MLLT3: variants seen among roughly 807,000 people sequenced by gnomAD.
MLLT3 encodes the protein MLLT3 super elongation complex subunit, also known as protein AF-9.
Under a neutral mutation model 53.2 loss-of-function variants are expected in MLLT3, and 4 were observed. The ratio of observed to expected loss-of-function variants is 0.08; its 90% CI spans 0.04 to 0.17. MLLT3 has a LOEUF of 0.17. Ranked by LOEUF, MLLT3 falls within the 10% of genes least tolerant of loss-of-function variation. The pLI is 1.00. For synonymous variants in MLLT3, 283 were observed against 230.6 expected, an observed-to-expected ratio of 1.23 and a Z score of -2.06; for missense variants, 569 against 684.0, an observed-to-expected ratio of 0.83 and a Z score of 1.87.
intron 2 of MLLT3, among the ~76,000 whole-genome samples, chr9:20,563,970 T>C (rs10964605): frequency 0.11 from 16,575 of 152,190 alleles, 1,199 homozygotes; most frequent in East Asian, 0.22. Context: ...TAGAAATCCA[T>C]TTGGCAAGTA....
intron 2 of MLLT3, among the ~76,000 whole-genome samples, chr9:20,517,347 A>C (rs145431024): frequency 1.4e-4 from 22 of 152,256 alleles, no homozygotes; most frequent in Middle Eastern, 3.4e-3. Context: ...GCATCCCAGT[A>C]ACAATGAACA....
chr9:20,531,196 C>T (rs1187586046), intron 2 of MLLT3, among the ~76,000 whole-genome samples: 7 of 146,474 alleles, frequency 4.8e-5, no homozygotes, highest in East Asian at 2.1e-4. Context: ...AGTGTAATGG[C>T]GCGATCTCGG....
At chr9:20,538,343 T>A (rs1428310061) in intron 2 of MLLT3, among the ~76,000 whole-genome samples, 1 of 152,202 alleles carries the variant, frequency 6.6e-6, no homozygotes, top group Admixed American at 6.5e-5. Context: ...GTCAAATTAC[T>A]TGCCCAAAAT....
At chr9:20,606,114 C>T (rs1017551043) in intron 2 of MLLT3, among the ~76,000 whole-genome samples, 1 of 152,064 alleles carries the variant, frequency 6.6e-6, no homozygotes. Context: ...AAAACTATCC[C>T]TGCGTATTCT....
At chr9:20,468,393 C>G (rs564829259) in intron 2 of MLLT3, among the ~76,000 whole-genome samples, 120 of 152,142 alleles carry the variant, frequency 7.9e-4, no homozygotes, top group African/African-American at 2.7e-3. Flanking sequence ...TCTTTTAGCT[C>G]AATCCACCAC....
chr9:20,588,918 T>G lies in MLLT3; in HGVS notation c.193+31736A>C, dbSNP rs546810586. ...TCACACCAGTTAGAATGGCAATCAT[T>G]AAAAAGTCAGGAAACAACAGGTGCT... On this transcript the variant is annotated intron_variant, in intron 2 of 10. Transcript: ENST00000380338. 6.6e-5 allele frequency among the ~76,000 whole-genome samples: 10 copies of G among 151,424 alleles called. No homozygotes were observed. The South Asian group carries it at 1.9e-3, about 29-fold the overall frequency.
chr9:20,579,471 T>C (rs1819735608), intron 2 of MLLT3, among the ~76,000 whole-genome samples: 1 of 151,888 alleles, frequency 6.6e-6, no homozygotes, highest in African/African-American at 2.4e-5. Context: ...CAAGAGGAAA[T>C]GTCCTTCTAC....
intron 2 of MLLT3, among the ~76,000 whole-genome samples, chr9:20,467,842 TATC>T (rs1824273689): frequency 6.6e-6 from 1 of 152,162 alleles, no homozygotes; most frequent in African/African-American, 2.4e-5. Flanking sequence ...AAGTAGGAAT[TATC>T]ATGTATGCTG....
intron 2 of MLLT3, among the ~76,000 whole-genome samples, chr9:20,614,342 C>T (rs1033585917): frequency 1.4e-5 from 2 of 142,534 alleles, no homozygotes; most frequent in African/African-American, 2.6e-5. Flanking sequence ...TGCAGTGAGC[C>T]AAGATCATGC....
chr9:20,567,304 T>TAAAAA (rs35505450), intron 2 of MLLT3, among the ~76,000 whole-genome samples: 292 of 79,636 alleles, frequency 3.7e-3, no homozygotes, highest in East Asian at 9.0e-3. Flanking sequence ...CTATATTCAG[T>TAAAAA]AAAAAAAAAA....
Position 20,345,183 on chromosome 9 carries a change from T to C in MLLT3, c.*1260A>G. 4.4e-6 allele frequency: 1 copy of C among 225,372 alleles called. No homozygotes were observed. Among genetic ancestry groups the C allele is most frequent in the Non-Finnish European group, 8.8e-6 (1 of 113,106 alleles). 14.0% of individuals were successfully genotyped at this position (225,372 alleles called of 1,614,324 possible). A position where few individuals can be genotyped will look rare whatever the true frequency, so the allele number is the denominator to read the frequency against. Reference sequence around the variant, plus strand: ...CCCATCCCCAACCGTCTTTCACCAATACAAGAAATCCTTCTGGAAATATTA... The same window carrying C: ...CCCATCCCCAACCGTCTTTCACCAACACAAGAAATCCTTCTGGAAATATTA... On this transcript the variant is annotated 3_prime_UTR_variant, in exon 11 of 11. Coordinates refer to ENST00000380338, the MANE Select transcript of MLLT3 (RefSeq NM_004529.4).
chr9:20,507,550 T>G (rs909791389), intron 2 of MLLT3, among the ~76,000 whole-genome samples: 6 of 152,158 alleles, frequency 3.9e-5, no homozygotes, highest in Non-Finnish European at 8.8e-5. Context: ...TTCCCAAATC[T>G]TTGGTCTAAC....
chr9:20,539,034 G>C (rs1818557615), intron 2 of MLLT3, among the ~76,000 whole-genome samples: 1 of 152,220 alleles, frequency 6.6e-6, no homozygotes, highest in East Asian at 1.9e-4. Context: ...CTTTTCACTG[G>C]GGAGCAGTAA....
chr9:20,493,792 TAA>T (rs1459995462), intron 2 of MLLT3, among the ~76,000 whole-genome samples: 7 of 152,098 alleles, frequency 4.6e-5, no homozygotes, highest in Admixed American at 3.3e-4. Flanking sequence ...TAAAGTATGT[TAA>T]GTTTTTCACA....
rs767404731 is a variant in MLLT3 at position 20,389,905 on chromosome 9, TTTTTC to T, written c.1125+23811_1125+23815del. On this transcript the variant is annotated intron_variant, in intron 5 of 10. Coordinates refer to ENST00000380338, the MANE Select transcript of MLLT3 (RefSeq NM_004529.4). ...ATATATTGACAATTGCTCATTAAAT[TTTTTC>T]TTTTCTTATTTTGTCCAGTAAGGCA... Among the ~76,000 whole-genome samples, 12 of 152,332 alleles carry T rather than the reference TTTTTC, an allele frequency of 7.9e-5. No individual in the cohort carries two copies. In the East Asian group the frequency reaches 1.5e-3, roughly 20 times the overall value.
chr9:20,517,513 T>G (rs1587015462), intron 2 of MLLT3, among the ~76,000 whole-genome samples: 1 of 149,426 alleles, frequency 6.7e-6, no homozygotes. Context: ...AAATACAAGG[T>G]GTGCCTAGAT....
chr9:20,402,070 G>C (rs1019818188), intron 5 of MLLT3, among the ~76,000 whole-genome samples: 2 of 152,310 alleles, frequency 1.3e-5, no homozygotes, highest in African/African-American at 4.8e-5. Flanking sequence ...CTAACTTAAT[G>C]GTGGTAGAGG....
chr9:20,522,711 G>A (rs1035090870), intron 2 of MLLT3, among the ~76,000 whole-genome samples: 5 of 152,036 alleles, frequency 3.3e-5, no homozygotes, highest in Non-Finnish European at 7.4e-5. Context: ...ATGCTGTCAA[G>A]AGAATCAAAA....
At chr9:20,346,686 T>A in intron 10 of MLLT3, 112 bp from the exon 11 acceptor site, 1 of 1,044,470 alleles carries the variant, frequency 9.6e-7, no homozygotes, top group Non-Finnish European at 1.4e-6. Flanking sequence ...ATATTCGTAT[T>A]TATAGCAACA....
Sources: allele counts gnomAD v4.1 joint callset (sites outside exome capture counted in the v4.1 genomes callset), GRCh38; gene constraint gnomAD v4.1.1; transcripts MANE v1.5; gene names NCBI Gene and HGNC (gene_info 2026-07-23, HGNC 2026-07-21).